TMC1: variants seen among roughly 807,000 people sequenced by gnomAD.
TMC1 encodes the protein transmembrane channel-like protein 1.
Under a neutral mutation model 105.8 loss-of-function variants are expected in TMC1, and 84 were observed. The ratio of observed to expected loss-of-function variants is 0.79; its 90% CI spans 0.67 to 0.95. The LOEUF (loss-of-function observed/expected upper bound fraction) is 0.95, where lower values mean the gene tolerates loss of function less well. TMC1 is among the 40% of genes least tolerant of loss of function. The pLI, the probability that TMC1 is intolerant of heterozygous loss-of-function variation, is 0.00. For synonymous variants in TMC1, 315 were observed against 311.5 expected (o/e 1.01, Z -0.12); for missense variants, 817 against 914.1 (o/e 0.89, Z 1.37).
chr9:72,624,750 G>A (rs1229751141), intron 3 of TMC1, among the ~76,000 whole-genome samples: 1 of 152,182 alleles, frequency 6.6e-6, no homozygotes, highest in Non-Finnish European at 1.5e-5. Context: ...AACAGATTCA[G>A]GTGGTACAGC....
At chr9:72,729,345 C>T (rs891486850) in intron 8 of TMC1, among the ~76,000 whole-genome samples, 4 of 151,976 alleles carry the variant, frequency 2.6e-5, no homozygotes, top group African/African-American at 9.7e-5. Context: ...TACCAAAATA[C>T]GTCAGACATA....
At chr9:72,744,477 C>T (rs1827453951) in intron 10 of TMC1, among the ~76,000 whole-genome samples, 1 of 152,168 alleles carries the variant, frequency 6.6e-6, no homozygotes, top group Admixed American at 6.5e-5. Context: ...TTCAACTGTA[C>T]AGCTCAAATG....
chr9:72,658,919 A>G (rs1391416041), intron 5 of TMC1, among the ~76,000 whole-genome samples: 1 of 152,230 alleles, frequency 6.6e-6, no homozygotes, highest in South Asian at 2.1e-4. Context: ...TTTTCCAGGC[A>G]ATAGCCACAG....
At chr9:72,566,528 G>C (rs1824157049) in intron 1 of TMC1, among the ~76,000 whole-genome samples, 1 of 152,146 alleles carries the variant, frequency 6.6e-6, no homozygotes, top group Non-Finnish European at 1.5e-5. Flanking sequence ...GAGGGAGATG[G>C]AAAATGGACC....
At chr9:72,639,805 T>G (rs1588005375) in intron 4 of TMC1, among the ~76,000 whole-genome samples, 1 of 152,242 alleles carries the variant, frequency 6.6e-6, no homozygotes, top group African/African-American at 2.4e-5. Flanking sequence ...CTAAGTTGCC[T>G]TCAAATGTAA....
chr9:72,810,668 AAC>A (rs1307352667), intron 18 of TMC1, among the ~76,000 whole-genome samples: 2 of 152,286 alleles, frequency 1.3e-5, no homozygotes, highest in African/African-American at 4.8e-5. Context: ...TGTTTTACCT[AAC>A]ACTGATCATT....
At chr9:72,656,502 C>T (rs767252009) in intron 5 of TMC1, among the ~76,000 whole-genome samples, 75 of 151,824 alleles carry the variant, frequency 4.9e-4, no homozygotes, top group Non-Finnish European at 8.1e-4. Flanking sequence ...TTTAATCTTT[C>T]TCATTGTCTT....
chr9:72,701,464 T>G (rs1208215049), intron 8 of TMC1, among the ~76,000 whole-genome samples: 1 of 152,208 alleles, frequency 6.6e-6, no homozygotes, highest in Non-Finnish European at 1.5e-5. Context: ...GGAAACTGTT[T>G]GTGATAACAG....
intron 1 of TMC1, among the ~76,000 whole-genome samples, chr9:72,567,524 T>C (rs1824183655): frequency 6.6e-6 from 1 of 152,174 alleles, no homozygotes; most frequent in African/African-American, 2.4e-5. Context: ...CTTACAATTA[T>C]GGCAGAGGCA....
intron 4 of TMC1, among the ~76,000 whole-genome samples, chr9:72,645,666 T>C (rs1825698913): frequency 6.6e-6 from 1 of 152,194 alleles, no homozygotes; most frequent in African/African-American, 2.4e-5. Context: ...CATGACAATG[T>C]TCCTGTTCAT....
intron 4 of TMC1, among the ~76,000 whole-genome samples, chr9:72,635,834 A>T (rs780360403): frequency 6.6e-6 from 1 of 152,222 alleles, no homozygotes; most frequent in African/African-American, 2.4e-5. Flanking sequence ...AGATGCTGTC[A>T]TATCACCTCA....
chr9:72,528,857 G>A (rs1036454163), intron 1 of TMC1, among the ~76,000 whole-genome samples: 1 of 151,904 alleles, frequency 6.6e-6, no homozygotes, highest in African/African-American at 2.4e-5. Flanking sequence ...TGCTTACAGG[G>A]TTAGACAAAT....
chr9:72,713,747 C>A (rs1196755307), intron 8 of TMC1, among the ~76,000 whole-genome samples: 1 of 146,696 alleles, frequency 6.8e-6, no homozygotes, highest in South Asian at 2.1e-4. Flanking sequence ...TTTTGAAGGG[C>A]TTTTTGTATC....
chr9:72,789,161 A>C lies in TMC1; in HGVS notation c.1068A>C (p.Glu356Asp), dbSNP rs1828220123. The C allele has an allele frequency of 6.2e-7, 1 of 1,613,336 alleles. No individual in the cohort carries two copies. The highest frequency in any genetic ancestry group is 1.3e-5 in the African/African-American group (1 of 75,044). The change falls in exon 15 of 24, where the codon GAA becomes GAC. Residue 356 changes from glutamate to aspartate, a missense_variant. Coordinates refer to ENST00000297784, the MANE Select transcript of TMC1 (RefSeq NM_138691.3). ...ITEEKAAQVE[E>D]NVHLIRFLRF... ...AAGAAAAAGCAGCCCAAGTAGAAGA[A>C]AACGTCCACTTGATCAGATTCCTGA... is the stretch of plus-strand genomic sequence containing the variant.
intron 2 of TMC1, among the ~76,000 whole-genome samples, chr9:72,597,570 G>T (rs571535941): frequency 6.6e-6 from 1 of 152,266 alleles, no homozygotes; most frequent in Admixed American, 6.5e-5. Flanking sequence ...CCTGGGTCCT[G>T]AGTAGGAATA....
At chr9:72,619,003 A>G (rs1203862556) in intron 3 of TMC1, among the ~76,000 whole-genome samples, 1 of 152,188 alleles carries the variant, frequency 6.6e-6, no homozygotes, top group East Asian at 1.9e-4. Flanking sequence ...TGCTCTCCAA[A>G]TGCCATTTTC....
intron 13 of TMC1, among the ~76,000 whole-genome samples, chr9:72,777,525 A>G (rs1828025203): frequency 6.6e-6 from 1 of 152,208 alleles, no homozygotes; most frequent in Non-Finnish European, 1.5e-5. Flanking sequence ...GGCAAATCCC[A>G]CAAAACATAT....
At chr9:72,664,803 G>T (rs965586360) in intron 5 of TMC1, among the ~76,000 whole-genome samples, 14 of 152,090 alleles carry the variant, frequency 9.2e-5, no homozygotes, top group African/African-American at 3.4e-4. Flanking sequence ...ATTCTTCCTG[G>T]ACACTGGACA....
intron 10 of TMC1, 89 bp from the exon 11 acceptor site, chr9:72,751,761 A>T (rs1479432232): frequency 1.7e-5 from 14 of 819,014 alleles, no homozygotes; most frequent in Non-Finnish European, 2.8e-5. Context: ...CAATTAATGG[A>T]TTCATTTTGA....
Sources: allele counts gnomAD v4.1 joint callset (sites outside exome capture counted in the v4.1 genomes callset), GRCh38; gene constraint gnomAD v4.1.1; transcripts MANE v1.5; gene names NCBI Gene and HGNC (gene_info 2026-07-23, HGNC 2026-07-21).